Variants in STARD6 observed in about 807,000 individuals in gnomAD.
STARD6 encodes StAR related lipid transfer domain containing 6, also known as stAR-related lipid transfer protein 6.
Under a neutral mutation model 22.3 loss-of-function variants are expected in STARD6, and 21 were observed. The ratio of observed to expected loss-of-function variants is 0.94; its 90% CI spans 0.67 to 1.35. STARD6 has a LOEUF of 1.35. Ranked by LOEUF, STARD6 falls within the 40% of genes most tolerant of loss-of-function variation. STARD6 has a pLI of 0.00. For synonymous variants in STARD6, 80 were observed against 88.1 expected, an observed-to-expected ratio of 0.91 and a Z score of 0.52; for missense variants, 269 against 266.9, an observed-to-expected ratio of 1.01 and a Z score of -0.05.
chr18:54,334,847 A>T (rs957895586), intron 5 of STARD6, among the ~76,000 whole-genome samples: 2 of 152,128 alleles, frequency 1.3e-5, no homozygotes, highest in South Asian at 4.1e-4. Flanking sequence ...GTCTCTTCTG[A>T]TGAGAACGTA....
chr18:54,343,851 A>G (rs1599306336), intron 4 of STARD6, among the ~76,000 whole-genome samples: 2 of 46,222 alleles, frequency 4.3e-5, no homozygotes, highest in African/African-American at 1.4e-4. Context: ...CCTACTGGGA[A>G]GTGAGGAGCC....
At position 54,354,098 on chromosome 18, in the gene STARD6, C is replaced by A; in HGVS notation, c.96G>T (p.Lys32Asn). The A allele has an allele frequency of 6.4e-7, 1 of 1,558,388 alleles. No individual in the cohort carries two copies. The highest frequency in any genetic ancestry group is 8.7e-7 in the Non-Finnish European group (1 of 1,149,440). The change falls in exon 4 of 8, where the codon AAG becomes AAT. Residue 32 changes from lysine to asparagine, a missense_variant. Coordinates refer to ENST00000307844, the MANE Select transcript of STARD6 (RefSeq NM_139171.2). ...TAGAAGCCTTACTGGAAACAGTTAT[C>A]TTTTTCTCAAAGGGGAATAAAAATC... ...SGWKVVKTSK[K>N]ITVSSKASRK...
intron 4 of STARD6, among the ~76,000 whole-genome samples, chr18:54,340,428 A>G (rs1250534124): frequency 7.9e-5 from 12 of 152,196 alleles, no homozygotes; most frequent in Admixed American, 7.9e-4. Context: ...AAATTATTAA[A>G]GGAATTAAAG....
At chr18:54,341,122 C>T (rs929232936) in intron 4 of STARD6, among the ~76,000 whole-genome samples, 7 of 152,176 alleles carry the variant, frequency 4.6e-5, no homozygotes, top group African/African-American at 9.7e-5. Context: ...TGCAATGGCG[C>T]GATCTCGGCT....
intron 2 of STARD6, among the ~76,000 whole-genome samples, chr18:54,355,416 T>A (rs1023005430): frequency 2.0e-5 from 3 of 152,052 alleles, no homozygotes; most frequent in Non-Finnish European, 4.4e-5. Flanking sequence ...AAAATTCATA[T>A]GTTGAAATCC....
At chr18:54,347,186 A>G (rs989067963) in intron 4 of STARD6, among the ~76,000 whole-genome samples, 37 of 152,098 alleles carry the variant, frequency 2.4e-4, no homozygotes, top group African/African-American at 8.9e-4. Flanking sequence ...AAAATTCTTA[A>G]TGTCTCTTGA....
At chr18:54,333,379 G>T (rs1365840805) in intron 5 of STARD6, among the ~76,000 whole-genome samples, 1 of 152,164 alleles carries the variant, frequency 6.6e-6, no homozygotes, top group Admixed American at 6.5e-5. Flanking sequence ...AACCTGGGAG[G>T]CGGAGCTTGC....
At chr18:54,332,464 C>T (rs546097492) in intron 5 of STARD6, among the ~76,000 whole-genome samples, 1 of 152,246 alleles carries the variant, frequency 6.6e-6, no homozygotes, top group South Asian at 2.1e-4. Context: ...CCCTGGTGGC[C>T]CATGGAATCA....
At chr18:54,347,596 AACG>A (rs1320612266) in intron 4 of STARD6, among the ~76,000 whole-genome samples, 8 of 152,142 alleles carry the variant, frequency 5.3e-5, no homozygotes, top group Non-Finnish European at 1.5e-5. Context: ...GAGTTTGAAC[AACG>A]CTTTCCAAAT....
At chr18:54,344,583 T>TAAAA (rs55736082) in intron 4 of STARD6, among the ~76,000 whole-genome samples, 12,933 of 93,290 alleles carry the variant, frequency 0.14, 903 homozygotes, top group Non-Finnish European at 0.18. Flanking sequence ...AAAAATAAAT[T>TAAAA]AAAAAAAAAA....
At chr18:54,339,763 G>A (rs1012115533) in intron 4 of STARD6, among the ~76,000 whole-genome samples, 1 of 152,144 alleles carries the variant, frequency 6.6e-6, no homozygotes, top group African/African-American at 2.4e-5. Context: ...ACACAAAATA[G>A]TAAGTCAAAT....
At chr18:54,325,559 T>C (rs897004205) in intron 7 of STARD6, among the ~76,000 whole-genome samples, 2 of 152,130 alleles carry the variant, frequency 1.3e-5, no homozygotes, top group Non-Finnish European at 2.9e-5. Flanking sequence ...TTATGCTTTT[T>C]TTTTTTGAGA....
chr18:54,335,624 C>T (rs2088903575), intron 5 of STARD6, among the ~76,000 whole-genome samples: 2 of 152,150 alleles, frequency 1.3e-5, no homozygotes. Flanking sequence ...GAATTTGTGT[C>T]CCTGCCCAAA....
At position 54,337,113 on chromosome 18, in the gene STARD6, A is replaced by G; in HGVS notation, c.267+12T>C. ...TAATGTTCTAGAAGTCCAGTATTAA[A>G]CAACAAATTACCGAATCAATCCTGT... On this transcript the variant is annotated intron_variant, in intron 5 of 7. Coordinates refer to ENST00000307844, the MANE Select transcript of STARD6 (RefSeq NM_139171.2). The G allele has an allele frequency of 6.2e-7, 1 of 1,603,138 alleles. No individual in the cohort carries two copies. Among genetic ancestry groups the G allele is most frequent in the Non-Finnish European group, 8.5e-7 (1 of 1,175,424 alleles).
intron 4 of STARD6, among the ~76,000 whole-genome samples, chr18:54,345,193 A>G (rs915200219): frequency 2.0e-5 from 3 of 152,224 alleles, no homozygotes; most frequent in African/African-American, 7.2e-5. Flanking sequence ...GCTTCAGGAT[A>G]CAAGATCAAT....
chr18:54,354,790 A>G (rs181686417), intron 2 of STARD6, among the ~76,000 whole-genome samples: 9 of 152,360 alleles, frequency 5.9e-5, no homozygotes, highest in African/African-American at 2.2e-4. Flanking sequence ...CTTTGAAATC[A>G]GAAACCTGGG....
At chr18:54,331,968 C>A in intron 5 of STARD6, 109 bp from the exon 6 acceptor site, 1 of 682,612 alleles carries the variant, frequency 1.5e-6, no homozygotes, top group Non-Finnish European at 2.3e-6. Context: ...TTGGAAAAAG[C>A]AGGGCTTTGA....
intron 7 of STARD6, among the ~76,000 whole-genome samples, chr18:54,326,162 C>T (rs2088822698): frequency 6.6e-6 from 1 of 152,052 alleles, no homozygotes; most frequent in Non-Finnish European, 1.5e-5. Flanking sequence ...CTGTTATCCA[C>T]ACTAAGTGGT....
chr18:54,339,144 A>G (rs931032558), intron 4 of STARD6, among the ~76,000 whole-genome samples: 1 of 151,206 alleles, frequency 6.6e-6, no homozygotes, highest in Non-Finnish European at 1.5e-5. Flanking sequence ...AAAAGGTAGA[A>G]AAATAAACAG....
Sources: gnomAD v4.1 joint callset for allele counts (sites outside exome capture counted in the v4.1 genomes callset) on GRCh38, gnomAD v4.1.1 for gene constraint, MANE v1.5 for transcripts, NCBI Gene and HGNC (gene_info 2026-07-23, HGNC 2026-07-21) for gene names.